Variants in DOCK7 observed in about 807,000 individuals in gnomAD.
DOCK7 encodes dedicator of cytokinesis 7, also known as dedicator of cytokinesis protein 7.
Under a neutral mutation model 271.0 loss-of-function variants are expected in DOCK7, and 138 were observed. The ratio of observed to expected loss-of-function variants is 0.51; its 90% CI spans 0.44 to 0.59. DOCK7 has a LOEUF of 0.59. DOCK7 is among the 20% of genes least tolerant of loss of function. The probability of loss-of-function intolerance (pLI) is 0.00; values close to 1 mark genes in which losing one functional copy is unlikely to be tolerated. For synonymous variants in DOCK7, 823 were observed against 876.1 expected, an observed-to-expected ratio of 0.94 and a Z score of 1.07; for missense variants, 2,066 against 2,592.4, an observed-to-expected ratio of 0.80 and a Z score of 4.41.
intron 1 of DOCK7, among the ~76,000 whole-genome samples, chr1:62,675,244 C>G (rs1660417991): frequency 6.6e-6 from 1 of 151,840 alleles, no homozygotes; most frequent in Non-Finnish European, 1.5e-5. Flanking sequence ...GAGTCTGTCT[C>G]TACAAAAAAT....
At chr1:62,618,121 C>T (rs1471692529) in intron 14 of DOCK7, among the ~76,000 whole-genome samples, 5 of 152,022 alleles carry the variant, frequency 3.3e-5, no homozygotes, top group Non-Finnish European at 4.4e-5. Flanking sequence ...AAGGGTATAT[C>T]ATTCATAAGG....
chr1:62,538,127 G>T (rs1645408216), intron 27 of DOCK7, 66 bp from the exon 28 acceptor site: 1 of 1,488,032 alleles, frequency 6.7e-7, no homozygotes, highest in Admixed American at 1.9e-5. Flanking sequence ...ACTAATACCA[G>T]AATGGCAAAT....
chr1:62,684,487 T>C (rs1490392315), intron 1 of DOCK7, among the ~76,000 whole-genome samples: 1 of 152,244 alleles, frequency 6.6e-6, no homozygotes, highest in African/African-American at 2.4e-5. Context: ...ATCCCCATTT[T>C]TCTGTGGTAT....
At chr1:62,630,761 G>T (rs1654522101) in intron 11 of DOCK7, among the ~76,000 whole-genome samples, 1 of 151,758 alleles carries the variant, frequency 6.6e-6, no homozygotes, top group Non-Finnish European at 1.5e-5. Context: ...ATTTAAATTG[G>T]TGACTTATAT....
chr1:62,490,439 A>G (rs1407836357), intron 41 of DOCK7, among the ~76,000 whole-genome samples: 1 of 152,072 alleles, frequency 6.6e-6, no homozygotes, highest in African/African-American at 2.4e-5. Flanking sequence ...GTAGTAAGAG[A>G]AGAGAGAGAT....
chr1:62,483,285 C>T (rs955392786), intron 43 of DOCK7: 1 of 146,868 alleles, frequency 6.8e-6, no homozygotes, highest in Non-Finnish European at 1.5e-5. Flanking sequence ...CGCGCCTTGG[C>T]CTCCCATAAT....
At chr1:62,680,152 A>G (rs972000243) in intron 1 of DOCK7, among the ~76,000 whole-genome samples, 1 of 152,218 alleles carries the variant, frequency 6.6e-6, no homozygotes, top group Non-Finnish European at 1.5e-5. Context: ...ACAAGGCTAC[A>G]GTAACCAAAA....
intron 43 of DOCK7, chr1:62,485,266 G>A: frequency 1.0e-6 from 1 of 985,332 alleles, no homozygotes; most frequent in Non-Finnish European, 1.2e-6. Context: ...ACAGCCACAT[G>A]ACTCCCGAAA....
chr1:62,680,474 A>G (rs1286792687), intron 1 of DOCK7, among the ~76,000 whole-genome samples: 1 of 151,652 alleles, frequency 6.6e-6, no homozygotes, highest in Non-Finnish European at 1.5e-5. Context: ...GGACATAGGC[A>G]TGGGCAAGGA....
At chr1:62,601,447 T>C (rs1367874700) in intron 14 of DOCK7, among the ~76,000 whole-genome samples, 1 of 151,684 alleles carries the variant, frequency 6.6e-6, no homozygotes, top group Admixed American at 6.6e-5. Context: ...ATCATGGTAT[T>C]GCAGTTTTAA....
intron 25 of DOCK7, among the ~76,000 whole-genome samples, chr1:62,540,898 G>A (rs1350767341): frequency 1.3e-5 from 2 of 151,920 alleles, no homozygotes; most frequent in East Asian, 1.9e-4. Context: ...CATGAATTAC[G>A]AATTTAAGGT....
intron 29 of DOCK7, among the ~76,000 whole-genome samples, chr1:62,532,347 T>A (rs563553680): frequency 6.6e-6 from 1 of 152,188 alleles, no homozygotes. Context: ...TTTATTTATT[T>A]AATTTTCTTG....
chr1:62,514,474 A>T (rs763206960), intron 31 of DOCK7, among the ~76,000 whole-genome samples: 2 of 152,138 alleles, frequency 1.3e-5, no homozygotes, highest in Non-Finnish European at 2.9e-5. Context: ...AGTATATAGT[A>T]TGTAAAACAG....
intron 35 of DOCK7, among the ~76,000 whole-genome samples, chr1:62,506,839 T>C (rs1208169231): frequency 2.0e-5 from 3 of 149,622 alleles, no homozygotes; most frequent in African/African-American, 7.3e-5. Flanking sequence ...CCCAGCTACT[T>C]GGGAGGCTGA....
intron 19 of DOCK7, 64 bp from the exon 20 acceptor site, chr1:62,559,284 G>A: frequency 8.4e-7 from 1 of 1,185,648 alleles, no homozygotes; most frequent in Non-Finnish European, 1.2e-6. Flanking sequence ...CACTTCTAAA[G>A]GACCACGGAC....
chr1:62,648,432 T>C lies in DOCK7; in HGVS notation c.502A>G (p.Ser168Gly), dbSNP rs949879071. 1.1e-5 allele frequency: 17 copies of C among 1,543,444 alleles called. No individual in the cohort carries two copies. Among genetic ancestry groups the C allele is most frequent in the Non-Finnish European group, 1.4e-5 (16 of 1,144,884 alleles). Residue 168 changes from serine (S) to glycine (G), a missense_variant, in exon 5 of 50, where the codon AGC becomes GGC. Around this residue, in one of 2 missense-constraint regions of DOCK7, gnomAD observed 1,414 missense variants for 1,670.4 expected, o/e 0.85. Transcript: ENST00000635253. ...FESDEAPDGNSYQDDQDDLKR... is the reference protein window; with the variant it reads ...FESDEAPDGNGYQDDQDDLKR... Reference sequence around the variant, plus strand: ...AGTATTACTTGATCATCCTGGTAGCTGTTGCCATCTGGAGCTTCATCAGAT... The same window carrying C: ...AGTATTACTTGATCATCCTGGTAGCCGTTGCCATCTGGAGCTTCATCAGAT...
chr1:62,625,415 A>G lies in DOCK7; in HGVS notation c.1283-14T>C. On this transcript the variant is annotated splice_polypyrimidine_tract_variant and intron_variant, in intron 11 of 49. Transcript: ENST00000635253. The stretch of plus-strand genomic sequence containing the variant: ...ACCCTTTTCGTTCTACAAAAGAATT[A>G]AAAAAAAAATTCATTTTCATAGAAG... The G allele has an allele frequency of 3.5e-6, 5 of 1,448,354 alleles. No individual in the cohort carries two copies. The highest frequency in any genetic ancestry group is 4.7e-6 in the Non-Finnish European group (5 of 1,070,958). 89.7% of individuals were successfully genotyped at this position (1,448,354 alleles called of 1,614,324 possible).
intron 2 of DOCK7, among the ~76,000 whole-genome samples, chr1:62,657,159 A>G (rs779569785): frequency 1.3e-5 from 2 of 152,212 alleles, no homozygotes; most frequent in African/African-American, 2.4e-5. Context: ...AAGTACGTTC[A>G]CCAATGCCTA....
In DOCK7 at chr1:62,457,716, C is replaced by T; in HGVS notation, c.6213-11G>A. ...AAGGCATCTTCACACCTAGGAAAAA[C>T]AGGATGTTATCAAGATATTACTTCT... is the stretch of plus-strand genomic sequence containing the variant. On this transcript the variant is annotated splice_polypyrimidine_tract_variant and intron_variant, in intron 48 of 49. Coordinates refer to ENST00000635253, the MANE Select transcript of DOCK7 (RefSeq NM_001367561.1). 6.2e-7 allele frequency: 1 copy of T among 1,610,936 alleles called. No individual in the cohort carries two copies. The highest frequency in any genetic ancestry group is 8.5e-7 in the Non-Finnish European group (1 of 1,178,898).
Sources: allele counts gnomAD v4.1 joint callset (sites outside exome capture counted in the v4.1 genomes callset), GRCh38; gene constraint gnomAD v4.1.1; regional missense constraint gnomAD v4.1.1; transcripts MANE v1.5; gene names NCBI Gene and HGNC (gene_info 2026-07-23, HGNC 2026-07-21).